The following STAG1 variants were observed in gnomAD, a reference collection of about 807,000 sequenced individuals.
STAG1 encodes the protein cohesin subunit SA-1.
Under a neutral mutation model 170.9 loss-of-function variants are expected in STAG1, and 26 were observed. The observed-to-expected ratio is 0.15, with a 90% confidence interval of 0.11 to 0.21. The LOEUF (loss-of-function observed/expected upper bound fraction) is 0.21, where lower values mean the gene tolerates loss of function less well. Among genes scored for constraint, STAG1 ranks in the 10% least tolerant of loss-of-function variants. STAG1 has a pLI of 1.00. For missense variants in STAG1, 964 were observed against 1,509.5 expected (o/e 0.64, Z 5.99); for synonymous variants, 514 against 497.7 (o/e 1.03, Z -0.44).
intron 4 of STAG1, among the ~76,000 whole-genome samples, chr3:136,601,354 C>G (rs1938667573): frequency 6.6e-6 from 1 of 151,596 alleles, no homozygotes; most frequent in African/African-American, 2.4e-5. Context: ...TTAAATATAG[C>G]CAGTAAAAAA....
chr3:136,411,497 A>C (rs181016626), intron 21 of STAG1, among the ~76,000 whole-genome samples: 10 of 152,304 alleles, frequency 6.6e-5, no homozygotes, highest in African/African-American at 2.2e-4. Context: ...TAAATTCTGA[A>C]ATGTGTGCTT....
chr3:136,521,492 C>A, intron 6 of STAG1, 75 bp from the exon 7 acceptor site: 1 of 1,310,754 alleles, frequency 7.6e-7, no homozygotes, highest in Non-Finnish European at 1.1e-6. Context: ...TTCTTCCTAC[C>A]TACATAGGAA....
chr3:136,613,747 C>T (rs1035324130), intron 3 of STAG1, among the ~76,000 whole-genome samples: 1 of 152,132 alleles, frequency 6.6e-6, no homozygotes, highest in African/African-American at 2.4e-5. Flanking sequence ...CTTGGCTTCC[C>T]AAAGTGCTAG....
At chr3:136,738,923 G>A (rs1376316356) in intron 1 of STAG1, among the ~76,000 whole-genome samples, 2 of 151,768 alleles carry the variant, frequency 1.3e-5, no homozygotes, top group Non-Finnish European at 2.9e-5. Context: ...TTAAAAATAA[G>A]TCAATTTTTC....
chr3:136,478,252 C>T lies in STAG1; in HGVS notation c.903-840G>A, dbSNP rs927702078. ...GGTAACCATCTTGGTGACAATACTG[C>T]GAAGTCATGGCAGAACAACCCGAAA... On this transcript the variant is annotated intron_variant, in intron 9 of 33. Transcript: ENST00000383202. Among the ~76,000 whole-genome samples the T allele has an allele frequency of 2.0e-5, 3 of 152,258 alleles. 1 individual carries two copies. The highest frequency in any genetic ancestry group is 4.2e-4 in the South Asian group (2 of 4,818).
intron 23 of STAG1, among the ~76,000 whole-genome samples, chr3:136,372,410 C>T (rs1264205326): frequency 6.6e-6 from 1 of 152,200 alleles, no homozygotes; most frequent in East Asian, 1.9e-4. Flanking sequence ...TGAGAGAGGG[C>T]ATCCCTGTCT....
intron 1 of STAG1, among the ~76,000 whole-genome samples, chr3:136,650,379 TG>T (rs1941176418): frequency 6.6e-6 from 1 of 152,186 alleles, no homozygotes; most frequent in Non-Finnish European, 1.5e-5. Context: ...TTTTAAAGAT[TG>T]ACTAATGATT....
At chr3:136,466,027 A>C (rs1274124526) in intron 12 of STAG1, among the ~76,000 whole-genome samples, 3 of 152,218 alleles carry the variant, frequency 2.0e-5, no homozygotes, top group Non-Finnish European at 4.4e-5. Context: ...CAAAGACCAA[A>C]GGTAGATAAA....
chr3:136,348,869 T>C lies in STAG1; in HGVS notation c.3271+289A>G, dbSNP rs1936332770. On this transcript the variant is annotated intron_variant, in intron 29 of 33. Coordinates refer to ENST00000383202, the MANE Select transcript of STAG1 (RefSeq NM_005862.3). ...ATTGTGACTATCTTACTTTATATTT[T>C]AATGTATTAGAGGCATATAGTATGG... The C allele has an allele frequency of 8.5e-6, 3 of 351,312 alleles. 1 individual carries two copies. In the South Asian group the frequency reaches 1.0e-4, roughly 12 times the overall value. 21.8% of individuals were successfully genotyped at this position (351,312 alleles called of 1,614,324 possible). A position where few individuals can be genotyped will look rare whatever the true frequency, so the allele number is the denominator to read the frequency against.
At chr3:136,633,784 G>C (rs561060996) in intron 1 of STAG1, among the ~76,000 whole-genome samples, 1 of 147,252 alleles carries the variant, frequency 6.8e-6, no homozygotes, top group South Asian at 2.2e-4. Flanking sequence ...CCAGGAGTTC[G>C]AGACCAGCCC....
intron 1 of STAG1, among the ~76,000 whole-genome samples, chr3:136,683,700 G>GT (rs1451129623): frequency 6.6e-6 from 1 of 152,094 alleles, no homozygotes; most frequent in Non-Finnish European, 1.5e-5. Flanking sequence ...AGCTAATGCA[G>GT]TAAGATATGA....
chr3:136,466,078 T>C (rs1369910612), intron 12 of STAG1, among the ~76,000 whole-genome samples: 1 of 151,794 alleles, frequency 6.6e-6, no homozygotes, highest in East Asian at 1.9e-4. Flanking sequence ...AAGCTGAAAA[T>C]TCTAAAAATC....
At chr3:136,628,604 C>T (rs1409654919) in intron 2 of STAG1, among the ~76,000 whole-genome samples, 2 of 152,204 alleles carry the variant, frequency 1.3e-5, no homozygotes, top group African/African-American at 4.8e-5. Context: ...GTTCAACTGT[C>T]TCTTCCTTAG....
intron 4 of STAG1, among the ~76,000 whole-genome samples, chr3:136,577,063 A>G (rs1158154826): frequency 6.6e-6 from 1 of 152,230 alleles, no homozygotes; most frequent in Non-Finnish European, 1.5e-5. Context: ...TGATTGTGAT[A>G]AAGTACCAAT....
rs187317663 is a variant in STAG1 at position 136,392,507 on chromosome 3, C to T, written c.2277+6242G>A. On this transcript the variant is annotated intron_variant, in intron 22 of 33. Coordinates refer to ENST00000383202, the MANE Select transcript of STAG1 (RefSeq NM_005862.3). ...CCAGGCTGGGCGCAGTGGCTCATGG[C>T]TGTAATCCCAGCACTTCGGGAGGCT... is the stretch of plus-strand genomic sequence containing the variant. 3.3e-5 allele frequency among the ~76,000 whole-genome samples: 5 copies of T among 152,270 alleles called. No individual in the cohort carries two copies. In the East Asian group the frequency reaches 9.6e-4, roughly 29 times the overall value.
intron 31 of STAG1, 35 bp downstream of exon 31, chr3:136,341,406 T>A (rs947128108): frequency 1.5e-6 from 2 of 1,335,610 alleles, no homozygotes; most frequent in African/African-American, 2.9e-5. Context: ...ATCACATAGT[T>A]GTTATGTTCT....
rs370376767 is a variant in STAG1 at position 136,614,171 on chromosome 3, G to T, written c.132+8975C>A. The stretch of plus-strand genomic sequence containing the variant: ...GCGGAGGTTGCAGTGAGCCAAGATT[G>T]TGCCACTGCACTCCAGCGTGGGCAA... On this transcript the variant is annotated intron_variant, in intron 3 of 33. Coordinates refer to ENST00000383202, the MANE Select transcript of STAG1 (RefSeq NM_005862.3). Among the ~76,000 whole-genome samples, 10 of 152,226 alleles carry T rather than the reference G, an allele frequency of 6.6e-5. No individual in the cohort carries two copies. The East Asian group carries it at 9.7e-4, about 15-fold the overall frequency.
At chr3:136,384,443 C>G (rs1296464313) in intron 22 of STAG1, among the ~76,000 whole-genome samples, 2 of 147,960 alleles carry the variant, frequency 1.4e-5, no homozygotes, top group Non-Finnish European at 3.0e-5. Flanking sequence ...GAGCAAGACT[C>G]CGTCTCAAAA....
chr3:136,689,711 C>T (rs1214413674), intron 1 of STAG1, among the ~76,000 whole-genome samples: 2 of 152,104 alleles, frequency 1.3e-5, no homozygotes, highest in Admixed American at 1.3e-4. Flanking sequence ...GCATTTCTTA[C>T]AGCATTATCA....
Sources: gnomAD v4.1 joint callset for allele counts (sites outside exome capture counted in the v4.1 genomes callset) on GRCh38, gnomAD v4.1.1 for gene constraint, MANE v1.5 for transcripts, NCBI Gene and HGNC (gene_info 2026-07-23, HGNC 2026-07-21) for gene names.